The following BLTP3A variants were observed in gnomAD, a reference collection of about 807,000 sequenced individuals.
The protein encoded by BLTP3A is ICBP90 binding protein 1.
chr6:34,852,838 C>T, the BLTP3A span, among the ~76,000 whole-genome samples: 2 of 152,176 alleles, frequency 1.3e-5, no homozygotes, highest in Non-Finnish European at 2.9e-5. Flanking sequence ...CAGGTAATAA[C>T]CTCTAATAAC....
At chr6:34,861,860 T>G in the BLTP3A span, among the ~76,000 whole-genome samples, 1 of 152,226 alleles carries the variant, frequency 6.6e-6, no homozygotes, top group Non-Finnish European at 1.5e-5. Flanking sequence ...ACTAGGGTTA[T>G]AAGCATAAGC....
At chr6:34,843,902 A>T in the BLTP3A span, among the ~76,000 whole-genome samples, 14 of 116,772 alleles carry the variant, frequency 1.2e-4, no homozygotes, top group Non-Finnish European at 1.7e-5. Context: ...CTTTGCCACC[A>T]TTCATTTTTG....
the BLTP3A span, among the ~76,000 whole-genome samples, chr6:34,832,459 AG>A: frequency 6.7e-6 from 1 of 148,950 alleles, no homozygotes; most frequent in African/African-American, 2.5e-5. Flanking sequence ...TTTCTGAGAC[AG>A]GGTCTGACTC....
chr6:34,807,579 C>G, the BLTP3A span, among the ~76,000 whole-genome samples: 1 of 152,152 alleles, frequency 6.6e-6, no homozygotes, highest in Non-Finnish European at 1.5e-5. Context: ...CTGGGGAATC[C>G]TTGTTCTTTC....
the BLTP3A span, chr6:34,859,547 A>G: frequency 1.1e-5 from 18 of 1,613,902 alleles, no homozygotes; most frequent in Admixed American, 2.5e-4. Flanking sequence ...ACCATGCACA[A>G]GATGTTGTCC....
chr6:34,792,390 T>A, the BLTP3A span: 1 of 1,247,698 alleles, frequency 8.0e-7, no homozygotes, highest in Non-Finnish European at 1.1e-6. Flanking sequence ...AGTCTGCCTC[T>A]CTCCAGCCCG....
At chr6:34,796,726 G>C in the BLTP3A span, among the ~76,000 whole-genome samples, 11 of 152,222 alleles carry the variant, frequency 7.2e-5, no homozygotes, top group Non-Finnish European at 2.9e-5. Context: ...TCACCTTCCA[G>C]CCCTGCCACT....
the BLTP3A span, chr6:34,870,721 C>G: frequency 8.0e-7 from 1 of 1,253,848 alleles, no homozygotes; most frequent in Non-Finnish European, 1.1e-6. Flanking sequence ...AAGTTATTCT[C>G]TGTGACTTCG....
At chr6:34,833,383 T>C in the BLTP3A span, among the ~76,000 whole-genome samples, 67,683 of 151,666 alleles carry the variant, frequency 0.45, 17,142 homozygotes, top group African/African-American at 0.7. Flanking sequence ...TTACCACTAC[T>C]TATGCAGAGT....
the BLTP3A span, among the ~76,000 whole-genome samples, chr6:34,831,860 G>C: frequency 6.6e-6 from 1 of 152,160 alleles, no homozygotes; most frequent in East Asian, 1.9e-4. Flanking sequence ...CTGTCACCAG[G>C]CTGGAGTGCA....
At chr6:34,815,179 G>A in the BLTP3A span, among the ~76,000 whole-genome samples, 1 of 152,174 alleles carries the variant, frequency 6.6e-6, no homozygotes, top group Non-Finnish European at 1.5e-5. Context: ...TTGTAGTTTG[G>A]TTTTGGTGGC....
chr6:34,822,833 G>A, the BLTP3A span, among the ~76,000 whole-genome samples: 4 of 150,550 alleles, frequency 2.7e-5, no homozygotes, highest in African/African-American at 9.8e-5. Context: ...TGGGTGATAA[G>A]AGTAAGACTC....
At chr6:34,808,824 G>C in the BLTP3A span, among the ~76,000 whole-genome samples, 1 of 152,078 alleles carries the variant, frequency 6.6e-6, no homozygotes, top group East Asian at 1.9e-4. Context: ...AAGCCATCCT[G>C]CCTTAGCCTC....
At chr6:34,876,498 C>T in the BLTP3A span, 1 of 152,134 alleles carries the variant, frequency 6.6e-6, no homozygotes, top group Non-Finnish European at 1.5e-5. Context: ...TTATTCCAAC[C>T]CTTTACCCTG....
At chr6:34,865,049 GATCCT>G in the BLTP3A span, among the ~76,000 whole-genome samples, 1 of 152,038 alleles carries the variant, frequency 6.6e-6, no homozygotes, top group African/African-American at 2.4e-5. Context: ...AATACTAAGC[GATCCT>G]ATGATATATA....
the BLTP3A span, among the ~76,000 whole-genome samples, chr6:34,860,543 C>T: frequency 2.0e-5 from 3 of 152,104 alleles, no homozygotes; most frequent in South Asian, 2.1e-4. Context: ...CTTCAAGGGT[C>T]GAGTTGTATA....
At chr6:34,814,960 A>G in the BLTP3A span, among the ~76,000 whole-genome samples, 1 of 152,164 alleles carries the variant, frequency 6.6e-6, no homozygotes, top group South Asian at 2.1e-4. Context: ...ATGTTAGTAG[A>G]AGTAAACACC....
chr6:34,863,957 G>A, the BLTP3A span: 1 of 1,525,228 alleles, frequency 6.6e-7, no homozygotes, highest in Admixed American at 2.1e-5. Flanking sequence ...GAATAAACAT[G>A]TCTCCAAAGC....
the BLTP3A span, among the ~76,000 whole-genome samples, chr6:34,853,706 G>T: frequency 1.3e-5 from 2 of 151,816 alleles, no homozygotes; most frequent in African/African-American, 2.4e-5. Flanking sequence ...GATTACAAGC[G>T]TGTGCCACCA....
Sources: allele counts gnomAD v4.1 joint callset (sites outside exome capture counted in the v4.1 genomes callset), GRCh38; gene constraint gnomAD v4.1.1; transcripts MANE v1.5; gene names NCBI Gene and HGNC (gene_info 2026-07-23, HGNC 2026-07-21).